The following MACROD2 variants were observed in gnomAD, a reference collection of about 807,000 sequenced individuals.
MACROD2 encodes ADP-ribose glycohydrolase MACROD2.
A neutral mutation model predicts 70.4 loss-of-function variants in MACROD2; 36 were observed. The ratio of observed to expected loss-of-function variants is 0.51; its 90% CI spans 0.39 to 0.68. The LOEUF (loss-of-function observed/expected upper bound fraction) is 0.68. Among genes scored for constraint, MACROD2 ranks in the 30% least tolerant of loss-of-function variants. The probability of loss-of-function intolerance (pLI) is 0.00; values close to 1 mark genes in which losing one functional copy is unlikely to be tolerated. For synonymous variants in MACROD2, 172 were observed against 178.8 expected (o/e 0.96, Z 0.30); for missense variants, 496 against 538.4 (o/e 0.92, Z 0.78).
intron 4 of MACROD2, among the ~76,000 whole-genome samples, chr20:14,661,081 T>C (rs1489487209): frequency 6.6e-6 from 1 of 152,184 alleles, no homozygotes; most frequent in Non-Finnish European, 1.5e-5. Context: ...ATGGGATTGC[T>C]GAGTCAACTG....
At chr20:15,648,417 G>A (rs529499815) in intron 8 of MACROD2, among the ~76,000 whole-genome samples, 1 of 152,062 alleles carries the variant, frequency 6.6e-6, no homozygotes, top group African/African-American at 2.4e-5. Flanking sequence ...TCTTTGCCTG[G>A]CTGGCCTCCT....
intron 7 of MACROD2, among the ~76,000 whole-genome samples, chr20:15,438,570 A>T (rs577265119): frequency 2.0e-5 from 3 of 152,192 alleles, no homozygotes; most frequent in East Asian, 3.9e-4. Context: ...CTGAAACTTG[A>T]TCTGCAGGAA....
intron 3 of MACROD2, among the ~76,000 whole-genome samples, chr20:14,369,428 CA>C (rs2083302925): frequency 6.6e-6 from 1 of 152,194 alleles, no homozygotes; most frequent in Non-Finnish European, 1.5e-5. Context: ...ATACAAACAT[CA>C]CATACTTTTC....
chr20:14,965,351 AT>A (rs1333163796), intron 5 of MACROD2, among the ~76,000 whole-genome samples: 1 of 150,628 alleles, frequency 6.6e-6, no homozygotes, highest in African/African-American at 2.5e-5. Context: ...TCCAAATGCC[AT>A]TTTTTATAGT....
chr20:15,973,415 T>C (rs1192518217), intron 13 of MACROD2, among the ~76,000 whole-genome samples: 1 of 152,176 alleles, frequency 6.6e-6, no homozygotes, highest in Non-Finnish European at 1.5e-5. Flanking sequence ...GTGTTATGGA[T>C]TCTGACAATA....
At chr20:15,600,296 C>A (rs903503946) in intron 8 of MACROD2, among the ~76,000 whole-genome samples, 1 of 152,212 alleles carries the variant, frequency 6.6e-6, no homozygotes, top group South Asian at 2.1e-4. Flanking sequence ...AAGTTCCTGG[C>A]AGCCTGTCTT....
chr20:15,657,959 C>T (rs192488168), intron 8 of MACROD2, among the ~76,000 whole-genome samples: 7 of 152,308 alleles, frequency 4.6e-5, no homozygotes, highest in African/African-American at 1.7e-4. Context: ...AGCCATTGCA[C>T]TCCAGCCTGG....
intron 8 of MACROD2, among the ~76,000 whole-genome samples, chr20:15,703,356 A>G (rs934485746): frequency 6.6e-6 from 1 of 152,154 alleles, no homozygotes; most frequent in Non-Finnish European, 1.5e-5. Flanking sequence ...TGGGCTTACC[A>G]TGTTGACACA....
At chr20:14,439,323 G>T (rs1352333573) in intron 3 of MACROD2, among the ~76,000 whole-genome samples, 4 of 151,964 alleles carry the variant, frequency 2.6e-5, no homozygotes, top group Admixed American at 2.6e-4. Flanking sequence ...TTTAAATCGG[G>T]CAGTGTGATG....
At chr20:14,899,801 C>A (rs575494339) in intron 5 of MACROD2, among the ~76,000 whole-genome samples, 3 of 152,144 alleles carry the variant, frequency 2.0e-5, no homozygotes, top group Admixed American at 1.3e-4. Flanking sequence ...CTGGAAGAAA[C>A]AAAAACAATA....
intron 5 of MACROD2, among the ~76,000 whole-genome samples, chr20:15,171,000 G>A (rs967017100): frequency 9.9e-5 from 15 of 152,152 alleles, no homozygotes; most frequent in African/African-American, 3.6e-4. Flanking sequence ...TGTCATCTAA[G>A]ACCATGGAAA....
chr20:15,776,306 G>GTA (rs1245779844), intron 8 of MACROD2, among the ~76,000 whole-genome samples: 1 of 152,082 alleles, frequency 6.6e-6, no homozygotes, highest in Admixed American at 6.5e-5. Flanking sequence ...TTGACCTGCT[G>GTA]TACCTCTGTT....
intron 6 of MACROD2, among the ~76,000 whole-genome samples, chr20:15,319,524 C>A (rs113544362): frequency 1.4e-4 from 21 of 152,256 alleles, no homozygotes; most frequent in African/African-American, 5.1e-4. Flanking sequence ...GAAACTGGAA[C>A]CTTTATGCAA....
chr20:14,808,164 A>T (rs1471328289), intron 5 of MACROD2, among the ~76,000 whole-genome samples: 1 of 152,144 alleles, frequency 6.6e-6, no homozygotes, highest in Non-Finnish European at 1.5e-5. Context: ...GAAGGAAAAA[A>T]TGTTAAGGGC....
intron 4 of MACROD2, among the ~76,000 whole-genome samples, chr20:14,668,512 C>T (rs75702936): frequency 3.6e-4 from 55 of 152,306 alleles, no homozygotes; most frequent in Non-Finnish European, 7.2e-4. Context: ...AAGCTCACTG[C>T]ACTTTTGATT....
At chr20:15,828,457 C>T (rs1413926788) in intron 8 of MACROD2, among the ~76,000 whole-genome samples, 1 of 152,224 alleles carries the variant, frequency 6.6e-6, no homozygotes, top group Admixed American at 6.5e-5. Flanking sequence ...ACTCTACTTC[C>T]GTTCAAAGGT....
At chr20:14,478,878 G>A (rs145046827) in intron 3 of MACROD2, among the ~76,000 whole-genome samples, 7 of 152,102 alleles carry the variant, frequency 4.6e-5, no homozygotes, top group Admixed American at 1.3e-4. Flanking sequence ...TGCTGGTGGG[G>A]CTCCCAGGGG....
At chr20:15,423,740 C>T (rs993900869) in intron 6 of MACROD2, among the ~76,000 whole-genome samples, 2 of 152,124 alleles carry the variant, frequency 1.3e-5, no homozygotes, top group Non-Finnish European at 2.9e-5. Context: ...CTCCTAATGC[C>T]ATCATATTGG....
intron 3 of MACROD2, chr20:14,127,975 G>T: frequency 3.9e-6 from 2 of 517,780 alleles, no homozygotes; most frequent in South Asian, 1.5e-5. Context: ...ATAGTCCCAA[G>T]AACAGTTGTC....
Sources: allele counts gnomAD v4.1 joint callset (sites outside exome capture counted in the v4.1 genomes callset), GRCh38; gene constraint gnomAD v4.1.1; transcripts MANE v1.5; gene names NCBI Gene and HGNC (gene_info 2026-07-23, HGNC 2026-07-21).